CACNA1C: variants seen among roughly 807,000 people sequenced by gnomAD.
CACNA1C encodes the protein calcium voltage-gated channel subunit alpha1 C.
In CACNA1C, 30 loss-of-function variants were observed where a neutral mutation model predicts 229.0. The ratio of observed to expected loss-of-function variants is 0.13; its 90% CI spans 0.10 to 0.18. The LOEUF (loss-of-function observed/expected upper bound fraction) is 0.18. Among genes scored for constraint, CACNA1C ranks in the 10% least tolerant of loss-of-function variants. CACNA1C has a pLI of 1.00. For synonymous variants in CACNA1C, 1,114 were observed against 1,132.5 expected (o/e 0.98, Z 0.33); for missense variants, 1,658 against 2,845.0 (o/e 0.58, Z 9.49).
At position 2,287,620 on chromosome 12, in the gene CACNA1C, A is replaced by G. The variant is rs113805139; in HGVS notation, c.478-161356A>G. On this transcript the variant is annotated intron_variant, in intron 3 of 46. Coordinates refer to ENST00000399655, the MANE Select transcript of CACNA1C (RefSeq NM_000719.7). This position sits in a 1 kb window ranked among gnomAD's most constrained non-coding sequence, Gnocchi z 4.6. ...GTAATTCTCATCCCTGGCCACACAT[A>G]AGAATCATCTGGGATCATTTAACAA... 1.5e-3 allele frequency among the ~76,000 whole-genome samples: 222 copies of G among 152,260 alleles called. 1 individual carries two copies. Among genetic ancestry groups the G allele is most frequent in the Non-Finnish European group, 2.5e-3 (171 of 68,016 alleles).
At chr12:2,454,584 A>G (rs1468293956) in intron 4 of CACNA1C, among the ~76,000 whole-genome samples, 1 of 152,096 alleles carries the variant, frequency 6.6e-6, no homozygotes, top group East Asian at 1.9e-4. Context: ...AAAAACACCA[A>G]CCCTAATCAA....
chr12:2,676,694 C>T (rs954243519), intron 39 of CACNA1C: 5 of 160,634 alleles, frequency 3.1e-5, no homozygotes, highest in Admixed American at 3.1e-4. Context: ...TGATGAGGGA[C>T]ATTTGAAGCT....
At chr12:2,160,174 T>C (rs988405579) in intron 3 of CACNA1C, among the ~76,000 whole-genome samples, 2 of 152,202 alleles carry the variant, frequency 1.3e-5, no homozygotes, top group Non-Finnish European at 1.5e-5. Context: ...AATGCTTCTC[T>C]CATGCTCTCC....
intron 2 of CACNA1C, among the ~76,000 whole-genome samples, chr12:2,119,761 G>C (rs898346948): frequency 2.0e-5 from 3 of 152,236 alleles, no homozygotes; most frequent in Non-Finnish European, 2.9e-5. Flanking sequence ...GTACTCTTGG[G>C]GGTCTTCAGG....
intron 34 of CACNA1C, 64 bp from the exon 35 acceptor site, chr12:2,664,761 G>A: frequency 7.2e-7 from 1 of 1,384,724 alleles, no homozygotes; most frequent in Non-Finnish European, 9.7e-7. Flanking sequence ...GGGGAGGGAT[G>A]CAGAGGGCCC....
intron 5 of CACNA1C, among the ~76,000 whole-genome samples, chr12:2,468,061 A>G (rs148088542): frequency 2.0e-5 from 3 of 152,368 alleles, no homozygotes; most frequent in African/African-American, 4.8e-5. Context: ...GAGGCCCGCC[A>G]TGCGGCAAAG....
chr12:2,068,864 G>C (rs2060279302), intron 1 of CACNA1C, among the ~76,000 whole-genome samples: 1 of 152,166 alleles, frequency 6.6e-6, no homozygotes, highest in South Asian at 2.1e-4. Context: ...AAAGGCTTTG[G>C]GATTTTTCCT....
intron 9 of CACNA1C, among the ~76,000 whole-genome samples, chr12:2,524,670 G>C (rs1453521594): frequency 6.6e-6 from 1 of 152,228 alleles, no homozygotes; most frequent in East Asian, 1.9e-4. Flanking sequence ...TGCCACCCCC[G>C]GGGCCTCACA....
chr12:2,048,919 CT>C (rs34682803), upstream of CACNA1C, among the ~76,000 whole-genome samples: 11 of 152,280 alleles, frequency 7.2e-5, no homozygotes, highest in Admixed American at 5.9e-4. Flanking sequence ...ACTGTCAACA[CT>C]TTTTTTCCCC....
chr12:2,331,037 G>A (rs903856123), intron 3 of CACNA1C, among the ~76,000 whole-genome samples: 2 of 152,158 alleles, frequency 1.3e-5, no homozygotes, highest in Non-Finnish European at 2.9e-5. Flanking sequence ...TACTTACCAC[G>A]AATGTAGTAT....
At chr12:2,619,458 G>A (rs970764019) in intron 29 of CACNA1C, among the ~76,000 whole-genome samples, 3 of 152,080 alleles carry the variant, frequency 2.0e-5, no homozygotes, top group Admixed American at 6.5e-5. Context: ...GTATTCTGTC[G>A]TCTTTCATCC....
chr12:2,256,047 C>G (rs4765909), intron 3 of CACNA1C, among the ~76,000 whole-genome samples: 13,543 of 18,400 alleles, frequency 0.74, 4,490 homozygotes, highest in Middle Eastern at 0.78. Context: ...GACCTGACTA[C>G]TTTACAATCA....
chr12:2,014,590 T>A (rs1374885553), intron 1 of CACNA1C, among the ~76,000 whole-genome samples: 1 of 151,996 alleles, frequency 6.6e-6, no homozygotes, highest in African/African-American at 2.4e-5. Context: ...ATAAAGTGCG[T>A]TGAGTGTGAA....
chr12:2,468,177 G>A (rs980708654), intron 5 of CACNA1C, among the ~76,000 whole-genome samples: 3 of 152,232 alleles, frequency 2.0e-5, no homozygotes, highest in African/African-American at 7.2e-5. Context: ...GCTGAACTGG[G>A]AACATCTCTA....
intron 3 of CACNA1C, among the ~76,000 whole-genome samples, chr12:2,274,922 A>G (rs771719412): frequency 1.3e-5 from 2 of 152,088 alleles, no homozygotes; most frequent in Admixed American, 6.5e-5. Context: ...CTGTCAGGAG[A>G]TGTTGGTCCC....
rs1265416128 is a variant in CACNA1C, at chr12:2,572,554, CCTTCTCCTCTCCTCCTCCTT to C, written c.1895+4763_1895+4782del. On this transcript the variant is annotated intron_variant, in intron 13 of 46. Transcript: ENST00000399655. ...CTTCTCTTCCTCCTTCTCCCCTCCT[CCTTCTCCTCTCCTCCTCCTT>C]CTCCTCTCCTCCTCCTTCTCCTCTC... Among the ~76,000 whole-genome samples, 199 of 78,106 alleles carry C rather than the reference CCTTCTCCTCTCCTCCTCCTT, an allele frequency of 2.5e-3. 7 individuals carry two copies. The highest frequency in any genetic ancestry group is 9.7e-3 in the African/African-American group (192 of 19,878). 51.2% of individuals were successfully genotyped at this position (78,106 alleles called of 152,430 possible). A position where few individuals can be genotyped will look rare whatever the true frequency, so the allele number is the denominator to read the frequency against.
At chr12:2,195,408 G>A (rs1413965988) in intron 3 of CACNA1C, among the ~76,000 whole-genome samples, 1 of 152,194 alleles carries the variant, frequency 6.6e-6, no homozygotes, top group Non-Finnish European at 1.5e-5. Flanking sequence ...AAATCTCTGG[G>A]CCTCAGTTTC....
intron 3 of CACNA1C, among the ~76,000 whole-genome samples, chr12:2,329,692 G>A (rs998449491): frequency 6.6e-6 from 1 of 152,220 alleles, no homozygotes; most frequent in South Asian, 2.1e-4. Context: ...TGGGGACATG[G>A]TGAAGAGTCC....
intron 3 of CACNA1C, among the ~76,000 whole-genome samples, chr12:2,156,302 T>A (rs1325009227): frequency 6.6e-6 from 1 of 152,144 alleles, no homozygotes; most frequent in African/African-American, 2.4e-5. Flanking sequence ...TAAATAAAAA[T>A]AGAATAAAGT....
Sources: gnomAD v4.1 joint callset for allele counts (sites outside exome capture counted in the v4.1 genomes callset) on GRCh38, gnomAD v4.1.1 for gene constraint, Gnocchi (gnomAD v3.1) non-coding constraint, MANE v1.5 for transcripts, NCBI Gene and HGNC (gene_info 2026-07-23, HGNC 2026-07-21) for gene names.